Variants in PCSK6 observed in about 807,000 individuals in gnomAD.
The protein encoded by PCSK6 is proprotein convertase subtilisin/kexin type 6.
Under a neutral mutation model 123.3 loss-of-function variants are expected in PCSK6, and 85 were observed. That is an observed-to-expected ratio of 0.69 (90% CI 0.58 to 0.83). The LOEUF (loss-of-function observed/expected upper bound fraction) is 0.83. Ranked by LOEUF, PCSK6 falls within the 40% of genes least tolerant of loss-of-function variation. The pLI, the probability that PCSK6 is intolerant of heterozygous loss-of-function variation, is 0.00. For missense variants in PCSK6, 1,191 were observed against 1,282.3 expected, an observed-to-expected ratio of 0.93 and a Z score of 1.09; for synonymous variants, 508 against 516.0, an observed-to-expected ratio of 0.98 and a Z score of 0.21.
intron 2 of PCSK6, among the ~76,000 whole-genome samples, chr15:101,435,058 T>C (rs1408353610): frequency 6.6e-6 from 1 of 152,146 alleles, no homozygotes; most frequent in Non-Finnish European, 1.5e-5. Context: ...ACATACCTGG[T>C]TCCCGGCCAG....
chr15:101,392,195 A>G (rs1196227278), intron 8 of PCSK6, among the ~76,000 whole-genome samples: 1 of 152,228 alleles, frequency 6.6e-6, no homozygotes, highest in African/African-American at 2.4e-5. Flanking sequence ...AATGAGCTGG[A>G]TTTCTACATA....
chr15:101,359,937 G>A (rs535647177), intron 13 of PCSK6, among the ~76,000 whole-genome samples: 2 of 152,180 alleles, frequency 1.3e-5, no homozygotes, highest in Non-Finnish European at 2.9e-5. Context: ...ACTTGTGTAA[G>A]TATCTTTGAT....
intron 2 of PCSK6, among the ~76,000 whole-genome samples, chr15:101,435,965 T>G (rs1440650218): frequency 6.6e-6 from 1 of 152,226 alleles, no homozygotes; most frequent in East Asian, 1.9e-4. Flanking sequence ...TCTTCTTCCC[T>G]GTGGGCCACA....
At chr15:101,420,926 T>G (rs940440974) in intron 6 of PCSK6, among the ~76,000 whole-genome samples, 37 of 152,228 alleles carry the variant, frequency 2.4e-4, no homozygotes, top group African/African-American at 8.4e-4. Context: ...CTAGGGAAAC[T>G]GGGGGTTGAA....
intron 11 of PCSK6, among the ~76,000 whole-genome samples, chr15:101,371,900 C>T (rs143710018): frequency 6.6e-6 from 1 of 152,304 alleles, no homozygotes; most frequent in Non-Finnish European, 1.5e-5. Flanking sequence ...TGGAAATGGA[C>T]GATGGTTCCC....
chr15:101,377,764 A>G (rs2041794189), intron 11 of PCSK6, among the ~76,000 whole-genome samples: 1 of 152,264 alleles, frequency 6.6e-6, no homozygotes, highest in Admixed American at 6.5e-5. Flanking sequence ...TGCTCTACAG[A>G]TAAGCCTTGA....
At chr15:101,425,976 C>T (rs1261499409) in intron 6 of PCSK6, among the ~76,000 whole-genome samples, 1 of 152,134 alleles carries the variant, frequency 6.6e-6, no homozygotes, top group South Asian at 2.1e-4. Context: ...AAATCCCCTG[C>T]GATCTTGTTA....
At chr15:101,309,366 C>T (rs544589401) in intron 20 of PCSK6, among the ~76,000 whole-genome samples, 112 of 152,338 alleles carry the variant, frequency 7.4e-4, no homozygotes, top group Middle Eastern at 6.8e-3. Flanking sequence ...TCAGGATTAC[C>T]GTGCCCAGCA....
intron 6 of PCSK6, among the ~76,000 whole-genome samples, chr15:101,407,902 T>C (rs1056692119): frequency 6.6e-6 from 1 of 152,234 alleles, no homozygotes; most frequent in Admixed American, 6.5e-5. Context: ...TAAACAGGTC[T>C]CTCTTTGATA....
chr15:101,489,686 G>C lies in PCSK6; in HGVS notation c.-16C>G, dbSNP rs2058130469. On this transcript the variant is annotated 5_prime_UTR_variant, in exon 1 of 22. Coordinates refer to ENST00000611716, the MANE Select transcript of PCSK6 (RefSeq NM_002570.5). ...GCGGAGGCATAGCGGCGACAGGCTCGCGCGGCGCCCGAGCTGCGAGTGCGC... is the reference window on the plus strand; with the variant it reads ...GCGGAGGCATAGCGGCGACAGGCTCCCGCGGCGCCCGAGCTGCGAGTGCGC... The C allele has an allele frequency of 2.1e-6, 2 of 970,940 alleles. No individual in the cohort carries two copies. Among genetic ancestry groups the C allele is most frequent in the Non-Finnish European group, 1.2e-6 (1 of 819,814 alleles). 60.1% of individuals were successfully genotyped at this position (970,940 alleles called of 1,614,324 possible).
At chr15:101,344,626 T>C (rs1362812675) in intron 13 of PCSK6, among the ~76,000 whole-genome samples, 1 of 152,132 alleles carries the variant, frequency 6.6e-6, no homozygotes, top group Non-Finnish European at 1.5e-5. Context: ...GTAAATGAAA[T>C]ATACCTGGCA....
intron 20 of PCSK6, among the ~76,000 whole-genome samples, chr15:101,310,737 G>A (rs1164234615): frequency 6.6e-6 from 1 of 151,926 alleles, no homozygotes; most frequent in African/African-American, 2.4e-5. Context: ...TGGGCTCACT[G>A]TAGGGCTTTG....
chr15:101,428,049 A>G (rs1460061827), intron 5 of PCSK6, 69 bp from the exon 6 acceptor site: 3 of 1,231,564 alleles, frequency 2.4e-6, no homozygotes, highest in East Asian at 5.1e-5. Flanking sequence ...TGCCTGGCTC[A>G]GTTCAATGCA....
In PCSK6 at chr15:101,408,662, C is replaced by A. The variant is rs58021012; in HGVS notation, c.824-10086G>T. On this transcript the variant is annotated intron_variant, in intron 6 of 21. Coordinates refer to ENST00000611716, the MANE Select transcript of PCSK6 (RefSeq NM_002570.5). ...CAGCAGCTCCTAACATTCACCAAAT[C>A]CCCCCAAGCCCCCCAGTGCATTTAA... is the stretch of plus-strand genomic sequence containing the variant. 7.1e-3 allele frequency among the ~76,000 whole-genome samples: 1,082 copies of A among 152,294 alleles called. 15 individuals are homozygous for A. The highest frequency in any genetic ancestry group is 0.025 in the African/African-American group (1,032 of 41,562).
At chr15:101,344,298 C>G (rs931596315) in intron 13 of PCSK6, among the ~76,000 whole-genome samples, 1 of 152,098 alleles carries the variant, frequency 6.6e-6, no homozygotes, top group Non-Finnish European at 1.5e-5. Flanking sequence ...AGTTTTTGCT[C>G]TATATGTATT....
intron 13 of PCSK6, among the ~76,000 whole-genome samples, chr15:101,360,550 C>G (rs937789962): frequency 8.1e-6 from 1 of 123,760 alleles, no homozygotes; most frequent in Non-Finnish European, 1.7e-5. Context: ...GGGGCCTTAG[C>G]ATCCCCTGGA....
At chr15:101,392,549 C>T (rs2042262877) in intron 8 of PCSK6, among the ~76,000 whole-genome samples, 1 of 148,534 alleles carries the variant, frequency 6.7e-6, no homozygotes, top group South Asian at 2.1e-4. Flanking sequence ...AATGACTTTG[C>T]ACTTCAATTC....
intron 11 of PCSK6, among the ~76,000 whole-genome samples, chr15:101,370,961 T>C (rs2041567083): frequency 1.3e-5 from 2 of 151,780 alleles, no homozygotes. Flanking sequence ...TTTTGTCTTA[T>C]ACAAAGTGGG....
chr15:101,484,130 G>A (rs570301152), intron 1 of PCSK6, among the ~76,000 whole-genome samples: 1 of 152,186 alleles, frequency 6.6e-6, no homozygotes, highest in East Asian at 1.9e-4. Context: ...AAGAAAAAAA[G>A]TACAAAATGT....
Sources: allele counts gnomAD v4.1 joint callset (sites outside exome capture counted in the v4.1 genomes callset), GRCh38; gene constraint gnomAD v4.1.1; transcripts MANE v1.5; gene names NCBI Gene and HGNC (gene_info 2026-07-23, HGNC 2026-07-21).